HEXA: variants seen among roughly 807,000 people sequenced by gnomAD.
HEXA encodes the protein hexosaminidase subunit alpha, also known as beta-hexosaminidase subunit alpha.
In HEXA, 54 loss-of-function variants were observed where a neutral mutation model predicts 73.3. That is an observed-to-expected ratio of 0.74 (90% CI 0.59 to 0.92). The LOEUF is 0.92. Among genes scored for constraint, HEXA ranks in the 40% least tolerant of loss-of-function variants. The pLI, the probability that HEXA is intolerant of heterozygous loss-of-function variation, is 0.00. For missense variants in HEXA, 649 were observed against 653.0 expected (o/e 0.99, Z 0.07); for synonymous variants, 230 against 246.9 (o/e 0.93, Z 0.64).
intron 13 of HEXA, 147 bp downstream of exon 13, chr15:72,345,299 C>A: frequency 6.9e-7 from 1 of 1,441,992 alleles, no homozygotes; most frequent in South Asian, 1.3e-5. Flanking sequence ...TACTTTTTAT[C>A]GCAGTTGGTT....
At chr15:72,372,470 G>C (rs550471872) in intron 1 of HEXA, among the ~76,000 whole-genome samples, 41 of 152,256 alleles carry the variant, frequency 2.7e-4, no homozygotes, top group African/African-American at 9.4e-4. Context: ...TAAATGTCTG[G>C]AGCAACATTA....
intron 13 of HEXA, 43 bp from the exon 14 acceptor site, chr15:72,344,183 A>C: frequency 6.6e-7 from 1 of 1,507,844 alleles, no homozygotes; most frequent in Non-Finnish European, 9.2e-7. Flanking sequence ...GCCCCTCAGA[A>C]GGGGCCCCAG....
rs2088621698 is a variant in HEXA, at chr15:72,346,822, C to T, written c.1147-112G>A. The T allele has an allele frequency of 8.0e-6, 8 of 994,798 alleles. No homozygotes were observed. The Admixed American group carries it at 1.0e-4, about 13-fold the overall frequency. The allele number at this position is 994,798 out of a possible 1,614,324, so 61.6% of individuals were successfully genotyped here. On this transcript the variant is annotated intron_variant, in intron 10 of 13. Coordinates refer to ENST00000268097, the MANE Select transcript of HEXA (RefSeq NM_000520.6). ...GGTATGTGCTCCCTCTGTTCCCCAGCAGCAAAGTATGTCTCTGTGACTCCT... is the reference window on the plus strand; with the variant it reads ...GGTATGTGCTCCCTCTGTTCCCCAGTAGCAAAGTATGTCTCTGTGACTCCT...
chr15:72,365,641 G>C (rs980052150), intron 1 of HEXA, among the ~76,000 whole-genome samples: 4 of 152,024 alleles, frequency 2.6e-5, no homozygotes, highest in African/African-American at 7.2e-5. Context: ...TTTATCTTCA[G>C]ATCTTTAATC....
chr15:72,346,452 C>T (rs1404396788), intron 11 of HEXA, 75 bp downstream of exon 11: 1 of 1,545,924 alleles, frequency 6.5e-7, no homozygotes, highest in Non-Finnish European at 8.9e-7. Context: ...AATGTCTGGC[C>T]CAGACCTTCC....
At chr15:72,356,677 C>T in intron 1 of HEXA, 60 bp from the exon 2 acceptor site, 2 of 1,608,070 alleles carry the variant, frequency 1.2e-6, no homozygotes, top group Non-Finnish European at 1.7e-6. Context: ...CAGGCAAAAC[C>T]AAGACCCTAG....
chr15:72,370,354 T>C, intron 1 of HEXA: 1 of 338,130 alleles, frequency 3.0e-6, no homozygotes, highest in Admixed American at 4.8e-5. Context: ...CTTGATCAAG[T>C]TTAGCTTCTT....
intron 13 of HEXA, chr15:72,345,176 C>T: frequency 2.0e-6 from 1 of 488,948 alleles, no homozygotes; most frequent in Non-Finnish European, 3.6e-6. Flanking sequence ...TTCCCATATA[C>T]TTGAAATGAT....
chr15:72,346,756 A>G, intron 10 of HEXA, 46 bp from the exon 11 acceptor site: 1 of 1,579,728 alleles, frequency 6.3e-7, no homozygotes, highest in South Asian at 1.1e-5. Context: ...AGCTGAGGAG[A>G]TTCCTGGGCC....
At chr15:72,355,942 A>C (rs949625521) in intron 2 of HEXA, 2 of 494,250 alleles carry the variant, frequency 4.0e-6, no homozygotes, top group African/African-American at 3.9e-5. Flanking sequence ...AGAAAGATGA[A>C]AGAAGTCTTC....
At position 72,345,577 on chromosome 15, in the gene HEXA, T is replaced by C. The variant is rs560132087; in HGVS notation, c.1422-27A>G. The C allele has an allele frequency of 3.7e-6, 6 of 1,613,206 alleles. No individual in the cohort carries two copies. In the Admixed American group the frequency reaches 6.7e-5, roughly 18 times the overall value. On this transcript the variant is annotated intron_variant, in intron 12 of 13. Transcript: ENST00000268097. ...TGGAGGAAAAGGGGCATGTGCCAGA[T>C]TGGGCCCTGTATTCCCTGCAAAGGT...
At chr15:72,364,597 T>C (rs1208560619) in intron 1 of HEXA, among the ~76,000 whole-genome samples, 2 of 152,152 alleles carry the variant, frequency 1.3e-5, no homozygotes, top group Non-Finnish European at 2.9e-5. Context: ...GAGGTGGAAA[T>C]GCTAGGCCAC....
intron 2 of HEXA, chr15:72,356,088 C>T (rs2088774796): frequency 2.5e-6 from 1 of 398,632 alleles, no homozygotes; most frequent in African/African-American, 2.1e-5. Context: ...AGGAGCCAAA[C>T]TCAACTGTTC....
rs2088556279 is a variant in HEXA, at chr15:72,341,665, T to A, written c.*2412A>T. On this transcript the variant is annotated 3_prime_UTR_variant, in exon 14 of 14. Coordinates refer to ENST00000268097, the MANE Select transcript of HEXA (RefSeq NM_000520.6). ...TGGGACTTTCAATTTACAGCCTAGGTGAAGGGAGATGAGTTGGGGCAACAG... is the reference window on the plus strand; with the variant it reads ...TGGGACTTTCAATTTACAGCCTAGGAGAAGGGAGATGAGTTGGGGCAACAG... 1 of 152,044 alleles carries A rather than the reference T, an allele frequency of 6.6e-6. No individual in the cohort carries two copies. The highest frequency in any genetic ancestry group is 1.5e-5 in the Non-Finnish European group (1 of 68,032). 9.4% of individuals were successfully genotyped at this position (152,044 alleles called of 1,614,324 possible).
chr15:72,344,285 A>C, intron 13 of HEXA, 145 bp from the exon 14 acceptor site: 4 of 684,062 alleles, frequency 5.8e-6, no homozygotes, highest in Non-Finnish European at 1.1e-5. Flanking sequence ...GGGAATCTCA[A>C]TTCCAGAGAT....
rs1379067336 is a variant in HEXA, at chr15:72,343,884, G to A, written c.*193C>T. 1.7e-6 allele frequency: 1 copy of A among 572,718 alleles called. No individual in the cohort carries two copies. Among genetic ancestry groups the A allele is most frequent in the Non-Finnish European group, 3.2e-6 (1 of 316,936 alleles). 35.5% of individuals were successfully genotyped at this position (572,718 alleles called of 1,614,324 possible). On this transcript the variant is annotated 3_prime_UTR_variant, in exon 14 of 14. Coordinates refer to ENST00000268097, the MANE Select transcript of HEXA (RefSeq NM_000520.6). ...TTTTTTTTAAACACAGGTAATCCAT[G>A]TTTATTATAGAAAAATGCCACATTA...
chr15:72,357,178 A>G (rs2088796344), intron 1 of HEXA: 1 of 211,756 alleles, frequency 4.7e-6, no homozygotes, highest in Non-Finnish European at 9.7e-6. Context: ...GAAGATTGGC[A>G]TATTAAGTAG....
chr15:72,348,020 AC>A, intron 9 of HEXA, 27 bp downstream of exon 9: 1 of 1,469,934 alleles, frequency 6.8e-7, no homozygotes, highest in South Asian at 1.1e-5. Context: ...CCCCCAAGGG[AC>A]CCCACCCACC....
chr15:72,353,290 C>G, intron 4 of HEXA, 112 bp from the exon 5 acceptor site: 1 of 729,590 alleles, frequency 1.4e-6, no homozygotes, highest in Non-Finnish European at 2.5e-6. Context: ...TGTGACTGTT[C>G]TCAGGGTCGC....
Sources: gnomAD v4.1 joint callset for allele counts (sites outside exome capture counted in the v4.1 genomes callset) on GRCh38, gnomAD v4.1.1 for gene constraint, MANE v1.5 for transcripts, NCBI Gene and HGNC (gene_info 2026-07-23, HGNC 2026-07-21) for gene names.